Variants in SERTAD2 observed in about 807,000 individuals in gnomAD.
SERTAD2 encodes SERTA domain-containing protein 2.
Under a neutral mutation model 15.4 loss-of-function variants are expected in SERTAD2, and 2 were observed. That is an observed-to-expected ratio of 0.13 (90% CI 0.05 to 0.41). SERTAD2 has a LOEUF of 0.41. SERTAD2 is among the 10% of genes least tolerant of loss of function. The pLI is 0.99. For missense variants in SERTAD2, 333 were observed against 409.7 expected (o/e 0.81, Z 1.62); for synonymous variants, 180 against 178.0 (o/e 1.01, Z -0.09).
Position 64,635,867 on chromosome 2 carries a change from T to C in SERTAD2, c.*60A>G. ...AGGGTGCATGCACAGTGTGGAGAAC[T>C]GTCAGGGTTATGGGAACGCTCTGGG... On this transcript the variant is annotated 3_prime_UTR_variant, in exon 2 of 2. Transcript: ENST00000313349. 7.6e-7 allele frequency: 1 copy of C among 1,318,204 alleles called. No individual in the cohort carries two copies. The highest frequency in any genetic ancestry group is 1.1e-6 in the Non-Finnish European group (1 of 930,896). 81.7% of individuals were successfully genotyped at this position (1,318,204 alleles called of 1,614,324 possible). A position where few individuals can be genotyped will look rare whatever the true frequency, so the allele number is the denominator to read the frequency against.
chr2:64,639,762 T>G (rs1674731279), intron 1 of SERTAD2, among the ~76,000 whole-genome samples: 1 of 152,224 alleles, frequency 6.6e-6, no homozygotes, highest in African/African-American at 2.4e-5. Context: ...TTAGTAGAAT[T>G]CCCATAGCTG....
In SERTAD2 at chr2:64,635,887, T is replaced by C. The variant is rs759059068; in HGVS notation, c.*40A>G. ...AGAACTGTCAGGGTTATGGGAACGC[T>C]CTGGGGTCTGGGTGGGCATAGTCGC... On this transcript the variant is annotated 3_prime_UTR_variant, in exon 2 of 2. Transcript: ENST00000313349. 1.9e-5 allele frequency: 29 copies of C among 1,488,098 alleles called. No homozygotes were observed. The highest frequency in any genetic ancestry group is 2.6e-5 in the Non-Finnish European group (28 of 1,071,838). 92.2% of individuals were successfully genotyped at this position (1,488,098 alleles called of 1,614,324 possible).
In SERTAD2 at chr2:64,636,849, C is replaced by T. The variant is rs1157197208; in HGVS notation, c.23G>A (p.Arg8Gln). ...CCCATCTTCATGCTCATCAAACTTCCGTTTTCCTCCTTTACCCAACATATA... is the reference window on the plus strand; with the variant it reads ...CCCATCTTCATGCTCATCAAACTTCTGTTTTCCTCCTTTACCCAACATATA... MLGKGGK[R>Q]KFDEHEDGLE... The change falls in exon 2 of 2, where the codon CGG (arginine) becomes CAG (glutamine). Residue 8 changes from arginine to glutamine, a missense_variant. Physicochemically the swap from Arg to Gln is conservative, Grantham distance 43. Around this residue, in one of 2 missense-constraint regions of SERTAD2, gnomAD observed 332 missense variants for 392.9 expected, o/e 0.84. Transcript: ENST00000313349. 2 of 1,613,122 alleles carry T rather than the reference C, an allele frequency of 1.2e-6. No homozygotes were observed. Among genetic ancestry groups the T allele is most frequent in the Admixed American group, 1.7e-5 (1 of 59,960 alleles).
chr2:64,638,357 C>T (rs1057065905), intron 1 of SERTAD2, among the ~76,000 whole-genome samples: 4 of 152,228 alleles, frequency 2.6e-5, no homozygotes, highest in Admixed American at 6.5e-5. Context: ...CCCTGGCCTT[C>T]AAGAGGCTAA....
rs1389443322 is a variant in SERTAD2 at position 64,634,771 on chromosome 2, A to G, written c.*1156T>C. On this transcript the variant is annotated 3_prime_UTR_variant, in exon 2 of 2. Transcript: ENST00000313349. The stretch of plus-strand genomic sequence containing the variant: ...GAAGTTGGTTGCTTTTCGGATGTAA[A>G]ATTTTGTTCGGATGTAAAATTTCAG... 6.6e-6 allele frequency: 1 copy of G among 152,192 alleles called. No homozygotes were observed. Among genetic ancestry groups the G allele is most frequent in the Non-Finnish European group, 1.5e-5 (1 of 68,032 alleles). The allele number at this position is 152,192 out of a possible 1,614,324, so 9.4% of individuals were successfully genotyped here.
In SERTAD2 at chr2:64,633,892, T is replaced by C. The variant is rs1674592274; in HGVS notation, c.*2035A>G. 1 of 152,486 alleles carries C rather than the reference T, an allele frequency of 6.6e-6. No homozygotes were observed. The highest frequency in any genetic ancestry group is 1.5e-5 in the Non-Finnish European group (1 of 68,008). 9.4% of individuals were successfully genotyped at this position (152,486 alleles called of 1,614,324 possible). A position where few individuals can be genotyped will look rare whatever the true frequency, so the allele number is the denominator to read the frequency against. On this transcript the variant is annotated 3_prime_UTR_variant, in exon 2 of 2. Coordinates refer to ENST00000313349, the MANE Select transcript of SERTAD2 (RefSeq NM_014755.3). ...TAAATTAGAATGTAGAAAGCCTTTA[T>C]CATATCATACTCAAATCTTTTGCTT... is the stretch of plus-strand genomic sequence containing the variant.
At position 64,653,733 on chromosome 2, in the gene SERTAD2, G is replaced by C. The variant is rs1675067781; in HGVS notation, c.-118C>G. The C allele has an allele frequency of 6.6e-6, 1 of 152,350 alleles. No homozygotes were observed. Among genetic ancestry groups the C allele is most frequent in the African/African-American group, 2.4e-5 (1 of 41,454 alleles). The allele number at this position is 152,350 out of a possible 1,614,324, so 9.4% of individuals were successfully genotyped here. ...CCAGGGGCCCGAGGGTGGCGCCGGG[G>C]AGCGGGCAGCAGGCGAGGCTGAAGC... On this transcript the variant is annotated 5_prime_UTR_variant, in exon 1 of 2. Coordinates refer to ENST00000313349, the MANE Select transcript of SERTAD2 (RefSeq NM_014755.3).
chr2:64,649,017 G>A (rs536400117), intron 1 of SERTAD2, among the ~76,000 whole-genome samples: 91 of 152,208 alleles, frequency 6.0e-4, no homozygotes, highest in African/African-American at 2.1e-3. Flanking sequence ...GCAGGGAGAT[G>A]TCCCCTCAAA....
Position 64,636,637 on chromosome 2 carries a change from C to T in SERTAD2, c.235G>A (p.Glu79Lys). Residue 79 changes from glutamate (E) to lysine (K), a missense_variant, in exon 2 of 2, where the codon GAA becomes AAA. This residue lies in a region of SERTAD2 where 332 missense variants were observed against 392.9 expected (regional missense o/e 0.84). Transcript: ENST00000313349. ...GTGAACATGGGCCTCAGGCTGCCTT[C>T]CTGTTTGAGTTCCTCCTGGATCCGC... ...LRRIQEELKQEGSLRPMFTPS... is the reference protein window; with the variant it reads ...LRRIQEELKQKGSLRPMFTPS... 1 of 1,613,810 alleles carries T rather than the reference C, an allele frequency of 6.2e-7. No individual in the cohort carries two copies. The highest frequency in any genetic ancestry group is 1.1e-5 in the South Asian group (1 of 91,048).
At chr2:64,650,511 G>A (rs1181201107) in intron 1 of SERTAD2, among the ~76,000 whole-genome samples, 2 of 152,106 alleles carry the variant, frequency 1.3e-5, no homozygotes, top group African/African-American at 4.8e-5. Context: ...AATGAGTGAC[G>A]GACGCTCCAG....
In SERTAD2 at chr2:64,634,517, C is replaced by T. The variant is rs550954199; in HGVS notation, c.*1410G>A. ...GGAAGCTGTGACGTAATGTGATGAA[C>T]TCCAGGTTCAAGAGTCACACATGTT... On this transcript the variant is annotated 3_prime_UTR_variant, in exon 2 of 2. Coordinates refer to ENST00000313349, the MANE Select transcript of SERTAD2 (RefSeq NM_014755.3). 2.0e-5 allele frequency: 3 copies of T among 152,196 alleles called. No homozygotes were observed. Among genetic ancestry groups the T allele is most frequent in the South Asian group, 2.1e-4 (1 of 4,828 alleles). The allele number at this position is 152,196 out of a possible 1,614,324, so 9.4% of individuals were successfully genotyped here.
At chr2:64,651,735 A>T (rs1240759746) in intron 1 of SERTAD2, among the ~76,000 whole-genome samples, 1 of 152,236 alleles carries the variant, frequency 6.6e-6, no homozygotes, top group Non-Finnish European at 1.5e-5. Flanking sequence ...CAAGGGAAAC[A>T]AGCTTGAGCA....
intron 1 of SERTAD2, among the ~76,000 whole-genome samples, chr2:64,648,911 A>G (rs1199193375): frequency 1.3e-5 from 2 of 152,170 alleles, no homozygotes; most frequent in African/African-American, 4.8e-5. Flanking sequence ...AGAGAGGCAG[A>G]GCAAAAATTC....
rs764880539 is a variant in SERTAD2, at chr2:64,636,713, G to A, written c.159C>T (p.Pro53=). ...TCTTTTGCAAGCTGGGCTCTGTCAG[G>A]GGCCTGTGGTTATAGAGTTTCATAA... The part of the protein sequence containing the change: ...ISLMKLYNHR[P]LTEPSLQKTV... Residue 53 remains proline, a synonymous_variant, in exon 2 of 2, where the codon CCC becomes CCT. Coordinates refer to ENST00000313349, the MANE Select transcript of SERTAD2 (RefSeq NM_014755.3). 1 of 1,614,168 alleles carries A rather than the reference G, an allele frequency of 6.2e-7. No individual in the cohort carries two copies.
chr2:64,636,250 G>A lies in SERTAD2; in HGVS notation c.622C>T (p.Leu208Phe). ...GTSSEAGTQKLDGPQESRADD... is the reference protein window; with the variant it reads ...GTSSEAGTQKFDGPQESRADD... ...GCGCGGCTCTCTTGAGGACCGTCGAGTTTCTGGGTGCCAGCCTCGCTGGAG... is the reference window on the plus strand; with the variant it reads ...GCGCGGCTCTCTTGAGGACCGTCGAATTTCTGGGTGCCAGCCTCGCTGGAG... The change falls in exon 2 of 2, where the codon CTC becomes TTC. Residue 208 changes from leucine (L) to phenylalanine (F), a missense_variant. Around this residue, in one of 2 missense-constraint regions of SERTAD2, gnomAD observed 332 missense variants for 392.9 expected, o/e 0.84. Transcript: ENST00000313349. 1.2e-6 allele frequency: 2 copies of A among 1,614,204 alleles called. No homozygotes were observed. Among genetic ancestry groups the A allele is most frequent in the Middle Eastern group, 1.6e-4 (1 of 6,062 alleles).
chr2:64,636,560 C>A lies in SERTAD2; in HGVS notation c.312G>T (p.Pro104=). The A allele has an allele frequency of 6.3e-7, 1 of 1,587,136 alleles. No individual in the cohort carries two copies. Among genetic ancestry groups the A allele is most frequent in the Non-Finnish European group, 8.6e-7 (1 of 1,164,900 alleles). Residue 104 remains proline (P), a synonymous_variant, in exon 2 of 2, where the codon CCG becomes CCT. Transcript: ENST00000313349. ...GGGACGCCAGGTGGCTGAAGGCCGG[C>A]GGGGCCTCTCGGTAGCTGTCGCTGG... The part of the protein sequence containing the change: ...TEPSDSYREA[P]PAFSHLASPS...
rs1324092371 is a variant in SERTAD2 at position 64,635,881 on chromosome 2, G to A, written c.*46C>T. ...GTGTGGAGAACTGTCAGGGTTATGG[G>A]AACGCTCTGGGGTCTGGGTGGGCAT... On this transcript the variant is annotated 3_prime_UTR_variant, in exon 2 of 2. Coordinates refer to ENST00000313349, the MANE Select transcript of SERTAD2 (RefSeq NM_014755.3). 1 of 1,443,278 alleles carries A rather than the reference G, an allele frequency of 6.9e-7. No individual in the cohort carries two copies. Among genetic ancestry groups the A allele is most frequent in the Non-Finnish European group, 9.6e-7 (1 of 1,036,580 alleles). 89.4% of individuals were successfully genotyped at this position (1,443,278 alleles called of 1,614,324 possible).
chr2:64,641,521 C>G (rs1342535409), intron 1 of SERTAD2, among the ~76,000 whole-genome samples: 1 of 152,208 alleles, frequency 6.6e-6, no homozygotes, highest in African/African-American at 2.4e-5. Context: ...CTTCTGTACC[C>G]TCAGCATAAG....
At position 64,634,194 on chromosome 2, in the gene SERTAD2, C is replaced by T. The variant is rs1674602489; in HGVS notation, c.*1733G>A. On this transcript the variant is annotated 3_prime_UTR_variant, in exon 2 of 2. Transcript: ENST00000313349. ...ATTCCTAAAGAAGCCATCTGCATAACAATATAGGTTGTAACCTGCACTCAA... is the reference window on the plus strand; with the variant it reads ...ATTCCTAAAGAAGCCATCTGCATAATAATATAGGTTGTAACCTGCACTCAA... 1 of 152,014 alleles carries T rather than the reference C, an allele frequency of 6.6e-6. No homozygotes were observed. The highest frequency in any genetic ancestry group is 6.6e-5 in the Admixed American group (1 of 15,266). 9.4% of individuals were successfully genotyped at this position (152,014 alleles called of 1,614,324 possible).
Sources: gnomAD v4.1 joint callset for allele counts (sites outside exome capture counted in the v4.1 genomes callset) on GRCh38, gnomAD v4.1.1 for gene constraint, gnomAD v4.1.1 regional missense constraint, MANE v1.5 for transcripts, NCBI Gene and HGNC (gene_info 2026-07-23, HGNC 2026-07-21) for gene names.